SDHAF2: variants seen among roughly 807,000 people sequenced by gnomAD.
SDHAF2 encodes the protein succinate dehydrogenase complex assembly factor 2.
A neutral mutation model predicts 18.5 loss-of-function variants in SDHAF2; 21 were observed. The ratio of observed to expected loss-of-function variants is 1.13; its 90% CI spans 0.80 to 1.63. The LOEUF is 1.63. SDHAF2 is among the 40% of genes most tolerant of loss of function. The pLI, the probability that SDHAF2 is intolerant of heterozygous loss-of-function variation, is 0.00. For synonymous variants in SDHAF2, 84 were observed against 70.7 expected (o/e 1.19, Z -0.94); for missense variants, 195 against 200.3 (o/e 0.97, Z 0.16).
At chr11:61,443,402 T>C (rs1252474760) in intron 3 of SDHAF2, among the ~76,000 whole-genome samples, 3 of 152,254 alleles carry the variant, frequency 2.0e-5, no homozygotes, top group African/African-American at 7.2e-5. Context: ...CTCAGTCTGC[T>C]TCTGTTGATT....
intron 3 of SDHAF2, among the ~76,000 whole-genome samples, chr11:61,443,843 G>A (rs577470148): frequency 4.6e-5 from 7 of 151,980 alleles, no homozygotes; most frequent in Non-Finnish European, 7.4e-5. Context: ...GCGCGATATC[G>A]GCTCACTGCA....
At chr11:61,440,241 G>T (rs1862046223) in intron 3 of SDHAF2, among the ~76,000 whole-genome samples, 1 of 152,184 alleles carries the variant, frequency 6.6e-6, no homozygotes, top group South Asian at 2.1e-4. Flanking sequence ...GGAGGCAGAG[G>T]TTGCAGTGAG....
intron 3 of SDHAF2, among the ~76,000 whole-genome samples, chr11:61,438,985 A>C (rs944758238): frequency 1.3e-5 from 2 of 152,166 alleles, no homozygotes; most frequent in East Asian, 3.8e-4. Flanking sequence ...CAGAGATTGC[A>C]GTGAGCTGAG....
At position 61,437,763 on chromosome 11, in the gene SDHAF2, A is replaced by G. The variant is rs1193598313; in HGVS notation, c.175A>G (p.Thr59Ala). 6 of 1,614,078 alleles carry G rather than the reference A, an allele frequency of 3.7e-6. No individual in the cohort carries two copies. Among genetic ancestry groups the G allele is most frequent in the Non-Finnish European group, 5.1e-6 (6 of 1,180,050 alleles). The change falls in exon 2 of 4, where the codon ACT becomes GCT. Residue 59 changes from threonine (T) to alanine (A), a missense_variant. Coordinates refer to ENST00000301761, the MANE Select transcript of SDHAF2 (RefSeq NM_017841.4). ...EIPLPPWQERTDESIETKRAR... is the reference protein window; with the variant it reads ...EIPLPPWQERADESIETKRAR... Reference sequence around the variant, plus strand: ...CCCTTTGCCTCCATGGCAGGAGAGAACTGATGAATCCATAGAAACCAAAAG... The same window carrying G: ...CCCTTTGCCTCCATGGCAGGAGAGAGCTGATGAATCCATAGAAACCAAAAG...
chr11:61,437,331 G>A (rs1182840697), intron 1 of SDHAF2, among the ~76,000 whole-genome samples: 1 of 152,126 alleles, frequency 6.6e-6, no homozygotes, highest in Non-Finnish European at 1.5e-5. Flanking sequence ...TGGGACCACA[G>A]GCACCATGGT....
Position 61,437,741 on chromosome 11 carries a change from T to C in SDHAF2, c.153T>C (p.Pro51=). ...TDSQKDMIEI[P]LPPWQERTDE... ...CCCAAAAGGACATGATTGAAATCCC[T>C]TTGCCTCCATGGCAGGAGAGAACTG... Residue 51 remains proline (P), a synonymous_variant, in exon 2 of 4, where the codon CCT becomes CCC. Transcript: ENST00000301761. 2 of 1,614,194 alleles carry C rather than the reference T, an allele frequency of 1.2e-6. No homozygotes were observed. The highest frequency in any genetic ancestry group is 1.7e-6 in the Non-Finnish European group (2 of 1,180,020).
rs1367181218 is a variant in SDHAF2 at position 61,446,644 on chromosome 11, A to G, written c.*573A>G. ...CAGGAGTGGTGTGGGCACACTGCTT[A>G]GGAGTCAACATCTTCATCATTGGGC... is the stretch of plus-strand genomic sequence containing the variant. On this transcript the variant is annotated 3_prime_UTR_variant, in exon 4 of 4. Coordinates refer to ENST00000301761, the MANE Select transcript of SDHAF2 (RefSeq NM_017841.4). 7.5e-6 allele frequency: 3 copies of G among 402,666 alleles called. No individual in the cohort carries two copies. The highest frequency in any genetic ancestry group is 6.2e-5 in the African/African-American group (3 of 48,684). 24.9% of individuals were successfully genotyped at this position (402,666 alleles called of 1,614,324 possible).
chr11:61,442,250 T>C (rs1184601526), intron 3 of SDHAF2, among the ~76,000 whole-genome samples: 2 of 152,090 alleles, frequency 1.3e-5, no homozygotes, highest in African/African-American at 4.8e-5. Flanking sequence ...GTCACAATGT[T>C]TTTTCTTCTG....
chr11:61,434,773 AG>A (rs1861975002), intron 1 of SDHAF2: 1 of 145,786 alleles, frequency 6.9e-6, no homozygotes, highest in Non-Finnish European at 1.5e-5. Context: ...TCTGTTGCCC[AG>A]GCTGGAGTGC....
intron 1 of SDHAF2, among the ~76,000 whole-genome samples, chr11:61,437,233 G>A (rs1412825217): frequency 6.6e-6 from 1 of 152,082 alleles, no homozygotes; most frequent in East Asian, 1.9e-4. Flanking sequence ...CGTTGCCCAG[G>A]CTGGAATGCA....
At chr11:61,441,021 AC>A (rs1451986956) in intron 3 of SDHAF2, among the ~76,000 whole-genome samples, 1 of 151,676 alleles carries the variant, frequency 6.6e-6, no homozygotes. Flanking sequence ...GGCAACATAG[AC>A]CCCCTATCTC....
intron 3 of SDHAF2, among the ~76,000 whole-genome samples, chr11:61,444,595 C>A (rs1453036308): frequency 6.6e-6 from 1 of 151,880 alleles, no homozygotes; most frequent in Non-Finnish European, 1.5e-5. Context: ...TACAAAAAAT[C>A]AGCCGAGCGT....
intron 3 of SDHAF2, among the ~76,000 whole-genome samples, chr11:61,439,237 G>T (rs1862035232): frequency 6.6e-6 from 1 of 152,146 alleles, no homozygotes; most frequent in African/African-American, 2.4e-5. Context: ...GCTTCAAAAA[G>T]TCATGGGTCC....
rs142625238 is a variant in SDHAF2, at chr11:61,442,658, G to C, written c.371-3283G>C. The stretch of plus-strand genomic sequence containing the variant: ...AAAATTCTCAGCTGTTACCCCTTCA[G>C]CTATTTCTTCTGCTTTGTTTTCTCC... On this transcript the variant is annotated intron_variant, in intron 3 of 3. Transcript: ENST00000301761. Among the ~76,000 whole-genome samples the C allele has an allele frequency of 4.9e-4, 75 of 152,188 alleles. 1 individual carries two copies. The highest frequency in any genetic ancestry group is 1.4e-3 in the African/African-American group (59 of 41,542).
chr11:61,435,180 C>G (rs1407579663), intron 1 of SDHAF2: 4 of 152,148 alleles, frequency 2.6e-5, no homozygotes, highest in Non-Finnish European at 5.9e-5. Context: ...CCGTGCCTGG[C>G]CTCCTCTAGT....
intron 3 of SDHAF2, among the ~76,000 whole-genome samples, chr11:61,444,921 A>G (rs1205655135): frequency 6.6e-6 from 1 of 151,924 alleles, no homozygotes; most frequent in African/African-American, 2.4e-5. Context: ...GTTCTCTGAT[A>G]TCTTTGAGAA....
At chr11:61,444,097 T>C (rs1862106561) in intron 3 of SDHAF2, 1 of 152,286 alleles carries the variant, frequency 6.6e-6, no homozygotes, top group African/African-American at 2.4e-5. Flanking sequence ...TATACACTCA[T>C]GCTAGCCCAC....
Position 61,445,954 on chromosome 11 carries a change from C to A in SDHAF2, c.384C>A (p.Ala128=). 1 of 1,614,078 alleles carries A rather than the reference C, an allele frequency of 6.2e-7. No individual in the cohort carries two copies. Among genetic ancestry groups the A allele is most frequent in the South Asian group, 1.1e-5 (1 of 91,074 alleles). The part of the protein sequence containing the change: ...IYYWATEAKP[A]PEIFENEVMA... ...CTTCTCTTGCAGAAGCTAAACCAGC[C>A]CCAGAAATATTTGAAAATGAAGTCA... Residue 128 remains alanine, a synonymous_variant, in exon 4 of 4, where the codon GCC becomes GCA. Coordinates refer to ENST00000301761, the MANE Select transcript of SDHAF2 (RefSeq NM_017841.4).
At chr11:61,438,166 T>A in intron 3 of SDHAF2, 53 bp downstream of exon 3, 1 of 1,365,656 alleles carries the variant, frequency 7.3e-7, no homozygotes. Context: ...TTAGGCTGAT[T>A]TGAGTCTAGA....
Sources: gnomAD v4.1 joint callset for allele counts (sites outside exome capture counted in the v4.1 genomes callset) on GRCh38, gnomAD v4.1.1 for gene constraint, MANE v1.5 for transcripts, NCBI Gene and HGNC (gene_info 2026-07-23, HGNC 2026-07-21) for gene names.